The following NCBP2L variants were observed in gnomAD, a reference collection of about 807,000 sequenced individuals.
NCBP2L encodes nuclear cap-binding protein subunit 2-like.
For missense variants in NCBP2L, 95 were observed against 53.1 expected (o/e 1.79, Z -2.45); for synonymous variants, 39 against 19.2 (o/e 2.04, Z -2.70).
intron 1 of NCBP2L, among the ~76,000 whole-genome samples, chrX:107,793,908 A>T (rs755183079): frequency 6.2e-5 from 7 of 112,290 alleles, no homozygotes; most frequent in African/African-American, 2.3e-4. Context: ...TAGATCAGGC[A>T]TATAAGATCT....
At chrX:107,782,069 G>A (rs1399515624) in intron 1 of NCBP2L, among the ~76,000 whole-genome samples, 1 of 89,075 alleles carries the variant, frequency 1.1e-5, no homozygotes, top group Non-Finnish European at 2.1e-5. Flanking sequence ...CTTAAAGGTA[G>A]CCAGGTTTGG....
chrX:107,787,033 A>G (rs1428090599), intron 1 of NCBP2L, among the ~76,000 whole-genome samples: 4 of 111,729 alleles, frequency 3.6e-5, no homozygotes, highest in Non-Finnish European at 7.5e-5. Context: ...GCAAAAGTTC[A>G]ACTAAGAAAC....
intron 1 of NCBP2L, among the ~76,000 whole-genome samples, chrX:107,779,954 G>A (rs1930244360): frequency 1.9e-5 from 2 of 104,409 alleles, no homozygotes; most frequent in African/African-American, 3.5e-5. Flanking sequence ...CCATGTTAGC[G>A]AGGATGGTCT....
At position 107,782,366 on chromosome X, in the gene NCBP2L, TAA is replaced by T. The variant is rs1321140882; in HGVS notation, c.-73+4510_-73+4511del. Among the ~76,000 whole-genome samples the T allele has an allele frequency of 4.4e-5, 2 of 45,609 alleles. 1 individual carries two copies. The highest frequency in any genetic ancestry group is 3.7e-4 in the African/African-American group (2 of 5,361). The allele number at this position is 45,609 out of a possible 115,157, so 39.6% of individuals were successfully genotyped here. A position where few individuals can be genotyped will look rare whatever the true frequency, so the allele number is the denominator to read the frequency against. Reference sequence around the variant, plus strand: ...ATATATATATAAATATATATATATATAAATATATATATATATATACCCACACA... The same window carrying T: ...ATATATATATAAATATATATATATATATATATATATATATATACCCACACA... On this transcript the variant is annotated intron_variant, in intron 1 of 1. Transcript: ENST00000509000.
At chrX:107,782,324 TAA>T (rs1481215845) in intron 1 of NCBP2L, among the ~76,000 whole-genome samples, 1 of 36,874 alleles carries the variant, frequency 2.7e-5, no homozygotes, top group African/African-American at 3.2e-4. Flanking sequence ...TATATATATA[TAA>T]ATATATATAT....
rs1384893544 is a variant in NCBP2L, at chrX:107,794,643, T to C, written c.423T>C (p.His141=). 1 of 567,659 alleles carries C rather than the reference T, an allele frequency of 1.8e-6. No homozygotes were observed. The highest frequency in any genetic ancestry group is 3.2e-6 in the Non-Finnish European group (1 of 309,014). The allele number at this position is 567,659 out of a possible 1,213,427, so 46.8% of individuals were successfully genotyped here. The change falls in exon 2 of 2, where the codon CAT becomes CAC. Residue 141 remains histidine, a synonymous_variant. Coordinates refer to ENST00000509000, the MANE Select transcript of NCBP2L (RefSeq NM_001348372.2). ...QVRDEFREDF[H]SGRGGFGRQT... is the part of the protein sequence containing the mutation. ...GGGATGAGTTTCGTGAAGATTTTCA[T>C]TCTGGTAGAGGAGGCTTTGGAAGAC... is the stretch of plus-strand genomic sequence containing the variant.
At chrX:107,791,146 C>A (rs1010463237) in intron 1 of NCBP2L, among the ~76,000 whole-genome samples, 7 of 112,075 alleles carry the variant, frequency 6.2e-5, no homozygotes, top group African/African-American at 2.3e-4. Context: ...TAGAGGATGC[C>A]CCACATTATA....
At chrX:107,790,434 G>A (rs1264410684) in intron 1 of NCBP2L, among the ~76,000 whole-genome samples, 1 of 110,638 alleles carries the variant, frequency 9.0e-6, no homozygotes, top group East Asian at 2.9e-4. Flanking sequence ...CCCTATCATG[G>A]TTCCCACTGC....
intron 1 of NCBP2L, among the ~76,000 whole-genome samples, chrX:107,793,330 C>T (rs1199947999): frequency 1.3e-4 from 14 of 110,959 alleles, no homozygotes; most frequent in Non-Finnish European, 2.6e-4. Flanking sequence ...TGCGGTGTTT[C>T]TATCATGCTA....
At chrX:107,782,899 TCATATACACATA>T (rs1930343815) in intron 1 of NCBP2L, among the ~76,000 whole-genome samples, 1 of 107,657 alleles carries the variant, frequency 9.3e-6, no homozygotes. Flanking sequence ...ATATATACAC[TCATATACACATA>T]CATATACACA....
intron 1 of NCBP2L, among the ~76,000 whole-genome samples, chrX:107,787,318 C>T (rs932752696): frequency 8.9e-6 from 1 of 112,161 alleles, no homozygotes; most frequent in Admixed American, 9.5e-5. Context: ...ACTTATTATC[C>T]TCTTTTCTCC....
At chrX:107,781,341 T>C (rs1366771148) in intron 1 of NCBP2L, among the ~76,000 whole-genome samples, 1 of 107,658 alleles carries the variant, frequency 9.3e-6, no homozygotes, top group African/African-American at 3.4e-5. Flanking sequence ...CAACTCAGCC[T>C]TCTGAGTAGC....
intron 1 of NCBP2L, among the ~76,000 whole-genome samples, chrX:107,783,000 A>G (rs1930345691): frequency 9.1e-6 from 1 of 109,389 alleles, no homozygotes; most frequent in Non-Finnish European, 1.9e-5. Context: ...ATTTTTTTAG[A>G]AAAAATTAGG....
chrX:107,787,135 G>A (rs1316521325), intron 1 of NCBP2L, among the ~76,000 whole-genome samples: 2 of 111,796 alleles, frequency 1.8e-5, no homozygotes, highest in African/African-American at 6.5e-5. Flanking sequence ...ATCTAGGGAG[G>A]GGCCTGAGAT....
chrX:107,785,475 T>C (rs1182109749), intron 1 of NCBP2L, among the ~76,000 whole-genome samples: 1 of 111,743 alleles, frequency 8.9e-6, no homozygotes, highest in Non-Finnish European at 1.9e-5. Context: ...CATTCCTAGA[T>C]GGTGGGTATC....
Position 107,777,812 on chromosome X carries a change from G to C in NCBP2L, c.-119G>C, listed in dbSNP as rs1268184567. 2.7e-5 allele frequency: 3 copies of C among 111,158 alleles called. No homozygotes were observed. The highest frequency in any genetic ancestry group is 5.7e-5 in the Non-Finnish European group (3 of 53,013). 9.2% of individuals were successfully genotyped at this position (111,158 alleles called of 1,213,427 possible). On this transcript the variant is annotated 5_prime_UTR_variant, in exon 1 of 2. Transcript: ENST00000509000. ...TGTGGTCTCTATGCTGTAGCAGCCG[G>C]AAAGCCAAAAACAAGCCGTACTTCT...
chrX:107,790,739 G>A (rs1930441567), intron 1 of NCBP2L, among the ~76,000 whole-genome samples: 3 of 111,668 alleles, frequency 2.7e-5, no homozygotes, highest in Non-Finnish European at 5.6e-5. Context: ...CTGGGGCACA[G>A]GAGTGGGAAG....
chrX:107,782,329 A>G (rs1201799029), intron 1 of NCBP2L, among the ~76,000 whole-genome samples: 1 of 39,139 alleles, frequency 2.6e-5, no homozygotes, highest in African/African-American at 2.6e-4. Flanking sequence ...ATATATAAAT[A>G]TATATATAAA....
intron 1 of NCBP2L, among the ~76,000 whole-genome samples, chrX:107,788,243 G>A (rs771044337): frequency 2.3e-4 from 26 of 111,668 alleles, no homozygotes; most frequent in Non-Finnish European, 4.1e-4. Flanking sequence ...TAACCTTGGG[G>A]GTGACCCTTC....
Sources: allele counts gnomAD v4.1 joint callset (sites outside exome capture counted in the v4.1 genomes callset), GRCh38; gene constraint gnomAD v4.1.1; transcripts MANE v1.5; gene names NCBI Gene and HGNC (gene_info 2026-07-23, HGNC 2026-07-21).